SMC5: variants seen among roughly 807,000 people sequenced by gnomAD.
SMC5 encodes structural maintenance of chromosomes 5.
Under a neutral mutation model 148.3 loss-of-function variants are expected in SMC5, and 88 were observed. That is an observed-to-expected ratio of 0.59 (90% confidence interval 0.50 to 0.71). The LOEUF is 0.71. Ranked by LOEUF, SMC5 falls within the 30% of genes least tolerant of loss-of-function variation. SMC5 has a pLI of 0.00. For synonymous variants in SMC5, 421 were observed against 432.8 expected (o/e 0.97, Z 0.34); for missense variants, 1,142 against 1,298.9 (o/e 0.88, Z 1.86).
chr9:70,282,218 G>C (rs529470891), intron 6 of SMC5, among the ~76,000 whole-genome samples: 1 of 152,210 alleles, frequency 6.6e-6, no homozygotes, highest in Admixed American at 6.5e-5. Context: ...TAAACGCTCA[G>C]TGATTATCAG....
At chr9:70,290,507 G>A (rs941358228) in intron 8 of SMC5, among the ~76,000 whole-genome samples, 12 of 152,008 alleles carry the variant, frequency 7.9e-5, no homozygotes, top group African/African-American at 2.9e-4. Context: ...CTTTTATATT[G>A]GATAGGAAGA....
chr9:70,346,918 A>G (rs999828280), intron 19 of SMC5, 148 bp from the exon 20 acceptor site: 2 of 707,508 alleles, frequency 2.8e-6, no homozygotes, highest in Non-Finnish European at 4.7e-6. Flanking sequence ...TTGAAGGCAA[A>G]TGACCCTGTT....
At chr9:70,338,962 C>G (rs1470294892) in intron 17 of SMC5, among the ~76,000 whole-genome samples, 1 of 152,028 alleles carries the variant, frequency 6.6e-6, no homozygotes, top group East Asian at 1.9e-4. Context: ...TCAAGTCCAT[C>G]CTGGGCAACA....
intron 8 of SMC5, among the ~76,000 whole-genome samples, chr9:70,294,378 T>A (rs907956547): frequency 6.6e-6 from 1 of 152,190 alleles, no homozygotes; most frequent in Non-Finnish European, 1.5e-5. Flanking sequence ...TTAGTTCTGT[T>A]GCTTAGATAT....
At chr9:70,344,020 G>GATAATTTGATTATCT (rs1405767959) in intron 17 of SMC5, 124 bp from the exon 18 acceptor site, 37 of 561,622 alleles carry the variant, frequency 6.6e-5, no homozygotes, top group Non-Finnish European at 9.9e-5. Context: ...TTAAGAAACA[G>GATAATTTGATTATCT]TTTCAGATAA....
intron 17 of SMC5, among the ~76,000 whole-genome samples, chr9:70,328,808 G>A (rs570500043): frequency 2.0e-5 from 3 of 152,324 alleles, no homozygotes; most frequent in Admixed American, 1.3e-4. Flanking sequence ...CTCCATGAGG[G>A]CTTAGCCCCT....
chr9:70,269,398 A>G lies in SMC5; in HGVS notation c.380+1423A>G, dbSNP rs118121790. Among the ~76,000 whole-genome samples, 608 of 152,218 alleles carry G rather than the reference A, an allele frequency of 4.0e-3. 4 individuals are homozygous for G. Among genetic ancestry groups the G allele is most frequent in the Admixed American group, 7.5e-3 (114 of 15,296 alleles). ...GCAGTTGGAGACCAGCCTGAGCAAC[A>G]TGGCAAAACCCCATCTCTACAAAAA... On this transcript the variant is annotated intron_variant, in intron 3 of 24. Coordinates refer to ENST00000361138, the MANE Select transcript of SMC5 (RefSeq NM_015110.4).
chr9:70,331,394 A>C (rs1395794685), intron 17 of SMC5, among the ~76,000 whole-genome samples: 1 of 151,092 alleles, frequency 6.6e-6, no homozygotes, highest in Non-Finnish European at 1.5e-5. Flanking sequence ...AAACAAATCA[A>C]CTACTTTTAA....
intron 3 of SMC5, among the ~76,000 whole-genome samples, chr9:70,272,440 G>A (rs997438827): frequency 2.0e-5 from 3 of 152,156 alleles, no homozygotes; most frequent in Admixed American, 2.0e-4. Flanking sequence ...GCAGAGCTGG[G>A]CACGGTGGCT....
chr9:70,259,474 G>T (rs567026000), intron 1 of SMC5, among the ~76,000 whole-genome samples: 2 of 152,310 alleles, frequency 1.3e-5, no homozygotes, highest in Admixed American at 6.5e-5. Context: ...TGGGTGATGT[G>T]GTTTTTAAAT....
chr9:70,264,097 A>G (rs922846327), intron 1 of SMC5, among the ~76,000 whole-genome samples: 1 of 152,218 alleles, frequency 6.6e-6, no homozygotes, highest in African/African-American at 2.4e-5. Context: ...AGTATATGAA[A>G]TTATATTCTT....
intron 11 of SMC5, among the ~76,000 whole-genome samples, chr9:70,306,102 T>C (rs554845569): frequency 6.6e-6 from 1 of 152,234 alleles, no homozygotes; most frequent in African/African-American, 2.4e-5. Context: ...TGTAGTATAA[T>C]GTATTAGCTA....
At chr9:70,346,950 T>C (rs1438289123) in intron 19 of SMC5, 116 bp from the exon 20 acceptor site, 5 of 777,310 alleles carry the variant, frequency 6.4e-6, no homozygotes, top group Non-Finnish European at 2.1e-6. Flanking sequence ...TGTATTCTTG[T>C]GTGCCAGCAT....
chr9:70,297,796 AGGTAGTCT>A (rs2035240303), intron 8 of SMC5, among the ~76,000 whole-genome samples, 162 bp from the exon 9 acceptor site: 2 of 152,220 alleles, frequency 1.3e-5, no homozygotes, highest in African/African-American at 4.8e-5. Context: ...ACAAAGATAC[AGGTAGTCT>A]GGTAGAACTG....
At chr9:70,333,114 A>T (rs1326959660) in intron 17 of SMC5, among the ~76,000 whole-genome samples, 3 of 152,204 alleles carry the variant, frequency 2.0e-5, no homozygotes, top group Non-Finnish European at 4.4e-5. Context: ...TAAATGTAAA[A>T]AAAAACCTCC....
At chr9:70,274,167 C>T (rs1027495146) in intron 3 of SMC5, among the ~76,000 whole-genome samples, 9 of 152,156 alleles carry the variant, frequency 5.9e-5, no homozygotes, top group African/African-American at 1.9e-4. Context: ...CTGCAGGCTC[C>T]GCCTCCCGGG....
At chr9:70,315,292 A>G (rs2035765808) in intron 12 of SMC5, among the ~76,000 whole-genome samples, 154 bp from the exon 13 acceptor site, 1 of 112,970 alleles carries the variant, frequency 8.9e-6, no homozygotes, top group Admixed American at 1.1e-4. Flanking sequence ...AATAAGTCAT[A>G]TGTGATTTTA....
intron 17 of SMC5, among the ~76,000 whole-genome samples, chr9:70,332,569 A>G (rs1038766685): frequency 4.6e-5 from 7 of 150,940 alleles, no homozygotes; most frequent in African/African-American, 1.7e-4. Flanking sequence ...TCTACTTAAG[A>G]TTTTCCAGAA....
Position 70,283,428 on chromosome 9 carries a change from C to T in SMC5, c.981+845C>T, listed in dbSNP as rs144511055. ...GTTGCAGTGAGCTGAGATTGTGCCA[C>T]TGCTCTCCAGCATGGGTGACAGAGC... On this transcript the variant is annotated intron_variant, in intron 7 of 24. Coordinates refer to ENST00000361138, the MANE Select transcript of SMC5 (RefSeq NM_015110.4). 4.7e-4 allele frequency among the ~76,000 whole-genome samples: 72 copies of T among 152,260 alleles called. 1 individual carries two copies. Among genetic ancestry groups the T allele is most frequent in the African/African-American group, 1.7e-3 (70 of 41,558 alleles).
Sources: gnomAD v4.1 joint callset for allele counts (sites outside exome capture counted in the v4.1 genomes callset) on GRCh38, gnomAD v4.1.1 for gene constraint, MANE v1.5 for transcripts, NCBI Gene and HGNC (gene_info 2026-07-23, HGNC 2026-07-21) for gene names.